Variants in OAS3 observed in about 807,000 individuals in gnomAD.
The protein encoded by OAS3 is 2'-5'-oligoadenylate synthetase 3.
In OAS3, 107 loss-of-function variants were observed where a neutral mutation model predicts 113.0. The ratio of observed to expected loss-of-function variants is 0.95; its 90% CI spans 0.81 to 1.11. The LOEUF is 1.11. OAS3 is among the 50% of genes most tolerant of loss of function. The pLI is 0.00. For synonymous variants in OAS3, 552 were observed against 573.6 expected (o/e 0.96, Z 0.54); for missense variants, 1,258 against 1,389.1 (o/e 0.91, Z 1.50).
At chr12:112,960,781 T>C (rs1311503704) in intron 7 of OAS3, among the ~76,000 whole-genome samples, 1 of 152,172 alleles carries the variant, frequency 6.6e-6, no homozygotes. Flanking sequence ...GGCTCAAGAT[T>C]ATCCATCTTT....
Position 112,963,368 on chromosome 12 carries a change from G to C in OAS3, c.2140G>C (p.Glu714Gln). The change falls in exon 10 of 16, where the codon GAG becomes CAG. Residue 714 changes from glutamate (E) to glutamine (Q), a missense_variant. Physicochemically the swap from Glu to Gln is conservative, Grantham distance 29. Transcript: ENST00000228928. This position sits in a 1 kb window ranked among gnomAD's most constrained non-coding sequence, Gnocchi z 4.6. ...PTWNVGHGSW[E>Q]LLAQEAAALG... Reference sequence around the variant, plus strand: ...CTGGAACGTGGGCCACGGTAGCTGGGAGCTGTTGGCCCAGGAAGCAGCAGC... The same window carrying C: ...CTGGAACGTGGGCCACGGTAGCTGGCAGCTGTTGGCCCAGGAAGCAGCAGC... 6.4e-7 allele frequency: 1 copy of C among 1,558,124 alleles called. No homozygotes were observed. The highest frequency in any genetic ancestry group is 8.7e-7 in the Non-Finnish European group (1 of 1,150,520).
intron 7 of OAS3, among the ~76,000 whole-genome samples, chr12:112,957,375 A>G (rs2043844786): frequency 6.6e-6 from 1 of 152,178 alleles, no homozygotes; most frequent in Non-Finnish European, 1.5e-5. Flanking sequence ...TGATCATGTC[A>G]TTATGATGTT....
chr12:112,966,515 A>T (rs768556008), intron 12 of OAS3, among the ~76,000 whole-genome samples: 14 of 152,322 alleles, frequency 9.2e-5, no homozygotes, highest in Non-Finnish European at 1.8e-4. Context: ...AACAAAATAG[A>T]CACAACTCTC....
In OAS3 at chr12:112,969,215, G is replaced by C. The variant is rs572559816; in HGVS notation, c.3105-393G>C. 2.8e-5 allele frequency: 5 copies of C among 180,124 alleles called. No homozygotes were observed. In the East Asian group the frequency reaches 6.9e-4, roughly 25 times the overall value. 11.2% of individuals were successfully genotyped at this position (180,124 alleles called of 1,614,324 possible). Reference sequence around the variant, plus strand: ...ATTCTTAACTGGTAAGTAAGGCAAAGGTCCAAAATCTGAAAAAATTTGAAG... The same window carrying C: ...ATTCTTAACTGGTAAGTAAGGCAAACGTCCAAAATCTGAAAAAATTTGAAG... On this transcript the variant is annotated intron_variant, in intron 14 of 15. Coordinates refer to ENST00000228928, the MANE Select transcript of OAS3 (RefSeq NM_006187.4).
rs2043877198 is a variant in OAS3, at chr12:112,960,946, A to G, written c.1658-125A>G. On this transcript the variant is annotated intron_variant, in intron 7 of 15. Transcript: ENST00000228928. Reference sequence around the variant, plus strand: ...TGATTGTTATTCAATGTTATAGTGTATTATTGATTGCAATGTTAGGTGATT... The same window carrying G: ...TGATTGTTATTCAATGTTATAGTGTGTTATTGATTGCAATGTTAGGTGATT... 3 of 858,550 alleles carry G rather than the reference A, an allele frequency of 3.5e-6. No individual in the cohort carries two copies. In the Admixed American group the frequency reaches 6.5e-5, roughly 18 times the overall value. 53.2% of individuals were successfully genotyped at this position (858,550 alleles called of 1,614,324 possible).
chr12:112,965,856 T>A lies in OAS3; in HGVS notation c.2516T>A (p.Ile839Asn), dbSNP rs771960729. ...FTEQGNKRAE[I>N]ISEIRAQLEA... ...GAGCAGGGCAACAAGCGGGCCGAGA[T>A]CATCTCCGAGATCCGAGCCCAGCTG... The change falls in exon 12 of 16, where the codon ATC becomes AAC. Residue 839 changes from isoleucine to asparagine, a missense_variant. Transcript: ENST00000228928. 1 of 1,613,722 alleles carries A rather than the reference T, an allele frequency of 6.2e-7. No individual in the cohort carries two copies. The highest frequency in any genetic ancestry group is 1.7e-5 in the Admixed American group (1 of 59,990).
intron 4 of OAS3, 95 bp downstream of exon 4, chr12:112,947,076 G>C: frequency 9.8e-7 from 1 of 1,019,934 alleles, no homozygotes; most frequent in Non-Finnish European, 1.5e-6. Flanking sequence ...TGAGTGCTTG[G>C]GTATAGAGGC....
At chr12:112,959,889 T>G (rs1786574098) in intron 7 of OAS3, among the ~76,000 whole-genome samples, 1 of 152,196 alleles carries the variant, frequency 6.6e-6, no homozygotes, top group South Asian at 2.1e-4. Context: ...AGGCTTCGAT[T>G]CTTTCACTGT....
At chr12:112,949,879 C>T (rs1218621653) in intron 6 of OAS3, among the ~76,000 whole-genome samples, 1 of 152,134 alleles carries the variant, frequency 6.6e-6, no homozygotes, top group Non-Finnish European at 1.5e-5. Flanking sequence ...ATTAGCTGGG[C>T]ATGGTGACGG....
chr12:112,948,736 C>T, intron 5 of OAS3, 125 bp from the exon 6 acceptor site: 1 of 748,726 alleles, frequency 1.3e-6, no homozygotes, highest in Non-Finnish European at 2.2e-6. Context: ...ATGGCCCTCC[C>T]ACTTCCCCTC....
intron 2 of OAS3, among the ~76,000 whole-genome samples, 192 bp from the exon 3 acceptor site, chr12:112,944,284 C>T (rs958295360): frequency 2.6e-5 from 4 of 152,214 alleles, no homozygotes; most frequent in Non-Finnish European, 5.9e-5. Context: ...TCTGGAGTGC[C>T]GCTCTTCTTC....
intron 7 of OAS3, among the ~76,000 whole-genome samples, chr12:112,951,915 G>A (rs574115491): frequency 3.9e-4 from 59 of 151,962 alleles, no homozygotes; most frequent in African/African-American, 1.3e-3. Context: ...GGGAGACTGA[G>A]GCAGGAAAAT....
rs990731847 is a variant in OAS3, at chr12:112,954,066, T to C, written c.1657+3091T>C. 1.3e-5 allele frequency among the ~76,000 whole-genome samples: 2 copies of C among 152,236 alleles called. No homozygotes were observed. The highest frequency in any genetic ancestry group is 4.8e-5 in the African/African-American group (2 of 41,460). On this transcript the variant is annotated intron_variant, in intron 7 of 15. Transcript: ENST00000228928. This position sits in a 1 kb window ranked among gnomAD's most constrained non-coding sequence, Gnocchi z 4.0. Reference sequence around the variant, plus strand: ...GTTTTAGTCATGAAGTCCTTGCCCATGCCTATGTCCTGAATGGTATTGCCT... The same window carrying C: ...GTTTTAGTCATGAAGTCCTTGCCCACGCCTATGTCCTGAATGGTATTGCCT...
chr12:112,959,448 G>A (rs1393706806), intron 7 of OAS3, among the ~76,000 whole-genome samples: 1 of 152,162 alleles, frequency 6.6e-6, no homozygotes, highest in Admixed American at 6.5e-5. Flanking sequence ...GGGAGCTGTA[G>A]ACTGGAGCTG....
chr12:112,970,588 G>T lies in OAS3; in HGVS notation c.*615G>T. On this transcript the variant is annotated 3_prime_UTR_variant, in exon 16 of 16. Coordinates refer to ENST00000228928, the MANE Select transcript of OAS3 (RefSeq NM_006187.4). ...AGGAAAGTGGTGGTACAAGTGCCAT[G>T]ATTGATTAGCAATGTCTGCACTGGA... 1 of 158,002 alleles carries T rather than the reference G, an allele frequency of 6.3e-6. No homozygotes were observed. The highest frequency in any genetic ancestry group is 6.0e-5 in the Admixed American group (1 of 16,650). The allele number at this position is 158,002 out of a possible 1,614,324, so 9.8% of individuals were successfully genotyped here. A position where few individuals can be genotyped will look rare whatever the true frequency, so the allele number is the denominator to read the frequency against.
At chr12:112,964,053 T>G (rs182817538) in intron 10 of OAS3, among the ~76,000 whole-genome samples, 182 bp from the exon 11 acceptor site, 72 of 152,342 alleles carry the variant, frequency 4.7e-4, no homozygotes, top group Non-Finnish European at 1.0e-4. Context: ...GTATTGATGC[T>G]GGAACCAAAA....
At position 112,944,518 on chromosome 12, in the gene OAS3, C is replaced by G. The variant is rs1180091535; in HGVS notation, c.503C>G (p.Ser168Cys). The change falls in exon 3 of 16, where the codon TCT (serine) becomes TGT (cysteine). Residue 168 changes from serine to cysteine, a missense_variant. Transcript: ENST00000228928. ...GTCAAACCCAAGCCACAAGTCTACT[C>G]TACCCTCCTCAACAGTGGCTGCCAA... The part of the protein sequence containing the change: ...SGVKPKPQVY[S>C]TLLNSGCQGG... The G allele has an allele frequency of 6.2e-7, 1 of 1,614,094 alleles. No individual in the cohort carries two copies. The highest frequency in any genetic ancestry group is 2.2e-5 in the East Asian group (1 of 44,892).
chr12:112,957,727 C>G (rs1031416126), intron 7 of OAS3, among the ~76,000 whole-genome samples: 1 of 152,210 alleles, frequency 6.6e-6, no homozygotes, highest in Non-Finnish European at 1.5e-5. Context: ...ATGGGCTTCC[C>G]TTTGTGGGTA....
chr12:112,938,631 G>C lies in OAS3; in HGVS notation c.101G>C (p.Gly34Ala), dbSNP rs199782553. ...EFVEKARRAL[G>A]ALAAALRERG... The stretch of plus-strand genomic sequence containing the variant: ...GTAGAGAAGGCGCGGCGCGCTCTGG[G>C]CGCCCTGGCCGCTGCCCTGAGGGAG... The change falls in exon 1 of 16, where the codon GGC becomes GCC. Residue 34 changes from glycine (G) to alanine (A), a missense_variant. By Grantham distance (60) the Gly-to-Ala change is moderately conservative. Transcript: ENST00000228928. 1.1e-5 allele frequency: 17 copies of C among 1,607,428 alleles called. No homozygotes were observed. Among genetic ancestry groups the C allele is most frequent in the Non-Finnish European group, 1.4e-5 (16 of 1,177,898 alleles).
Sources: gnomAD v4.1 joint callset for allele counts (sites outside exome capture counted in the v4.1 genomes callset) on GRCh38, gnomAD v4.1.1 for gene constraint, Gnocchi (gnomAD v3.1) non-coding constraint, MANE v1.5 for transcripts, NCBI Gene and HGNC (gene_info 2026-07-23, HGNC 2026-07-21) for gene names.